Variants in PEX5L observed in about 807,000 individuals in gnomAD.
PEX5L encodes PEX5-related protein.
Under a neutral mutation model 84.0 loss-of-function variants are expected in PEX5L, and 30 were observed. The ratio of observed to expected loss-of-function variants is 0.36; its 90% CI spans 0.27 to 0.48. The LOEUF is 0.48. PEX5L is among the 20% of genes least tolerant of loss of function. The pLI, the probability that PEX5L is intolerant of heterozygous loss-of-function variation, is 0.99. For synonymous variants in PEX5L, 270 were observed against 283.1 expected (o/e 0.95, Z 0.46); for missense variants, 533 against 754.6 (o/e 0.71, Z 3.44).
In PEX5L at chr3:179,887,696, C is replaced by A. The variant is rs1016562247; in HGVS notation, c.287G>T (p.Arg96Met). 1.2e-6 allele frequency: 2 copies of A among 1,611,760 alleles called. No homozygotes were observed. Among genetic ancestry groups the A allele is most frequent in the Non-Finnish European group, 8.5e-7 (1 of 1,177,984 alleles). Reference sequence around the variant, plus strand: ...ACCAGCTGTATTGGATGTTACTGGCCTTGCTATTGCTTCCGATTTGGTTTC... The same window carrying A: ...ACCAGCTGTATTGGATGTTACTGGCATTGCTATTGCTTCCGATTTGGTTTC... ...LCETKSEAIARPVTSNTAVLT... is the reference protein window; with the variant it reads ...LCETKSEAIAMPVTSNTAVLT... Residue 96 changes from arginine to methionine, a missense_variant, in exon 4 of 15, where the codon AGG becomes ATG. Arg to Met is a moderately conservative substitution (Grantham distance 91, BLOSUM62 -1). Coordinates refer to ENST00000467460, the MANE Select transcript of PEX5L (RefSeq NM_016559.3).
chr3:179,951,189 C>T (rs573268280), intron 2 of PEX5L, among the ~76,000 whole-genome samples: 7 of 152,206 alleles, frequency 4.6e-5, no homozygotes, highest in East Asian at 1.9e-4. Context: ...GAAAAATGGG[C>T]GATAGATGCT....
chr3:179,956,194 T>C (rs1217781317), intron 2 of PEX5L, among the ~76,000 whole-genome samples: 3 of 152,208 alleles, frequency 2.0e-5, no homozygotes, highest in African/African-American at 7.2e-5. Flanking sequence ...TAGAAAGTCA[T>C]TGGCAGTGTC....
At chr3:179,988,388 C>CAATAAATAAATAAATAAATA (rs56669562) in intron 1 of PEX5L, among the ~76,000 whole-genome samples, 41 of 143,518 alleles carry the variant, frequency 2.9e-4, no homozygotes, top group African/African-American at 6.1e-4. Context: ...AAATCTGCCT[C>CAATAAATAAATAAATAAATA]AATAAATAAA....
intron 7 of PEX5L, among the ~76,000 whole-genome samples, chr3:179,869,118 C>CAA (rs1266337026): frequency 6.6e-6 from 1 of 152,138 alleles, no homozygotes; most frequent in African/African-American, 2.4e-5. Context: ...CAGTGAGTTA[C>CAA]AAAATTGTGA....
chr3:180,029,913 A>G (rs1192038010), intron 1 of PEX5L, among the ~76,000 whole-genome samples: 1 of 152,208 alleles, frequency 6.6e-6, no homozygotes, highest in East Asian at 1.9e-4. Flanking sequence ...TACAGTTAAC[A>G]ACCATGTGAA....
chr3:179,892,409 GT>G (rs1474067404), intron 3 of PEX5L, among the ~76,000 whole-genome samples: 1 of 152,066 alleles, frequency 6.6e-6, no homozygotes, highest in Non-Finnish European at 1.5e-5. Flanking sequence ...CATACTCTTA[GT>G]TTTATCTGTC....
At chr3:179,916,917 G>A (rs943606857) in intron 2 of PEX5L, among the ~76,000 whole-genome samples, 1 of 151,718 alleles carries the variant, frequency 6.6e-6, no homozygotes, top group Non-Finnish European at 1.5e-5. Flanking sequence ...TGATCCACCC[G>A]CCTCGGCCTC....
intron 2 of PEX5L, among the ~76,000 whole-genome samples, chr3:179,900,443 T>C (rs1297077418): frequency 6.6e-6 from 1 of 152,202 alleles, no homozygotes; most frequent in Non-Finnish European, 1.5e-5. Context: ...CAGTACATTA[T>C]TTATTTGAAA....
chr3:179,876,593 C>A (rs1457756242), intron 5 of PEX5L, among the ~76,000 whole-genome samples: 1 of 151,854 alleles, frequency 6.6e-6, no homozygotes, highest in Non-Finnish European at 1.5e-5. Context: ...ACAAATTGAC[C>A]ACTTAAACCA....
At chr3:179,982,358 T>C (rs772448077) in intron 1 of PEX5L, among the ~76,000 whole-genome samples, 9 of 152,198 alleles carry the variant, frequency 5.9e-5, no homozygotes, top group Non-Finnish European at 1.0e-4. Flanking sequence ...AATGGACTTA[T>C]GTCTACAAGA....
At chr3:179,900,827 C>T (rs756726791) in intron 2 of PEX5L, 7 of 781,596 alleles carry the variant, frequency 9.0e-6, no homozygotes, top group East Asian at 2.7e-5. Context: ...ACCCCATGAG[C>T]GTCACTGTTT....
At position 180,036,845 on chromosome 3, in the gene PEX5L, C is replaced by T. The variant is rs527263847; in HGVS notation, c.-246G>A. 12 of 560,490 alleles carry T rather than the reference C, an allele frequency of 2.1e-5. No individual in the cohort carries two copies. The highest frequency in any genetic ancestry group is 2.6e-5 in the Non-Finnish European group (8 of 310,134). 34.7% of individuals were successfully genotyped at this position (560,490 alleles called of 1,614,324 possible). On this transcript the variant is annotated 5_prime_UTR_variant, in exon 1 of 15. Coordinates refer to ENST00000467460, the MANE Select transcript of PEX5L (RefSeq NM_016559.3). ...GAGAGCGCGCAGAGAAGGCGAGGAG[C>T]CGGGTCGGCCAGGCTCTCCTGCAGG... is the stretch of plus-strand genomic sequence containing the variant.
chr3:179,964,497 C>G (rs1255984029), intron 2 of PEX5L, among the ~76,000 whole-genome samples: 1 of 152,140 alleles, frequency 6.6e-6, no homozygotes, highest in Non-Finnish European at 1.5e-5. Context: ...AAACTGTCAA[C>G]AGATTAAGCA....
chr3:179,840,161 TTGTGTG>T (rs1235556692), intron 8 of PEX5L, among the ~76,000 whole-genome samples: 1 of 123,734 alleles, frequency 8.1e-6, no homozygotes, highest in African/African-American at 3.4e-5. Flanking sequence ...AAGTTGTTTT[TTGTGTG>T]TGTGTGTGTG....
rs73883445 is a variant in PEX5L, at chr3:179,970,846, G to A, written c.93+748C>T. ...TTATTTCTCTCTCTACAGCTTTTGCGTCGCTCTCAGATGCTGTGCCACCCA... is the reference window on the plus strand; with the variant it reads ...TTATTTCTCTCTCTACAGCTTTTGCATCGCTCTCAGATGCTGTGCCACCCA... On this transcript the variant is annotated intron_variant, in intron 2 of 14. Transcript: ENST00000467460. 6.1e-3 allele frequency among the ~76,000 whole-genome samples: 929 copies of A among 152,104 alleles called. 9 individuals are homozygous for A. The highest frequency in any genetic ancestry group is 0.021 in the African/African-American group (879 of 41,510).
chr3:180,004,509 T>C (rs1432356109), intron 1 of PEX5L, among the ~76,000 whole-genome samples: 3 of 152,194 alleles, frequency 2.0e-5, no homozygotes, highest in Non-Finnish European at 2.9e-5. Flanking sequence ...ATGAAATGGT[T>C]CCAGTTCTAC....
chr3:180,010,960 G>A (rs965870473), intron 1 of PEX5L, among the ~76,000 whole-genome samples: 17 of 152,294 alleles, frequency 1.1e-4, no homozygotes, highest in Admixed American at 3.3e-4. Flanking sequence ...TGGAAGGCGT[G>A]CTGGTCTGTT....
chr3:179,865,713 A>G (rs1252476445), intron 7 of PEX5L, among the ~76,000 whole-genome samples: 1 of 152,144 alleles, frequency 6.6e-6, no homozygotes, highest in Non-Finnish European at 1.5e-5. Flanking sequence ...GGGCACTGGA[A>G]TCACTGGAAG....
chr3:179,861,778 G>A (rs1463764904), intron 7 of PEX5L, among the ~76,000 whole-genome samples: 3 of 152,192 alleles, frequency 2.0e-5, no homozygotes, highest in East Asian at 1.9e-4. Flanking sequence ...ATAATAAGAC[G>A]TTTCTTGTAC....
Sources: allele counts gnomAD v4.1 joint callset (sites outside exome capture counted in the v4.1 genomes callset), GRCh38; gene constraint gnomAD v4.1.1; transcripts MANE v1.5; gene names NCBI Gene and HGNC (gene_info 2026-07-23, HGNC 2026-07-21).